Variants in LMOD3 observed in about 807,000 individuals in gnomAD.
LMOD3 encodes the protein leiomodin-3.
LMOD3 carries 31 observed loss-of-function variants against 41.8 expected under a neutral mutation model. That is an observed-to-expected ratio of 0.74 (90% CI 0.56 to 1.00). LMOD3 has a LOEUF of 1.00. Ranked by LOEUF, LMOD3 falls within the 50% of genes least tolerant of loss-of-function variation. The pLI, the probability that LMOD3 is intolerant of heterozygous loss-of-function variation, is 0.00. For missense variants in LMOD3, 755 were observed against 679.5 expected (o/e 1.11, Z -1.23); for synonymous variants, 292 against 241.9 (o/e 1.21, Z -1.92).
In LMOD3 at chr3:69,109,025, A is replaced by G; in HGVS notation, c.*70T>C. The G allele has an allele frequency of 7.6e-7, 1 of 1,317,196 alleles. No individual in the cohort carries two copies. Among genetic ancestry groups the G allele is most frequent in the Non-Finnish European group, 1.1e-6 (1 of 934,814 alleles). The allele number at this position is 1,317,196 out of a possible 1,614,324, so 81.6% of individuals were successfully genotyped here. A position where few individuals can be genotyped will look rare whatever the true frequency, so the allele number is the denominator to read the frequency against. ...TGGATCCTAAAGTATTGCTGCTGAC[A>G]TAGTCTCCATGCTGTAATCCAAGAG... On this transcript the variant is annotated 3_prime_UTR_variant, in exon 3 of 3. Coordinates refer to ENST00000420581, the MANE Select transcript of LMOD3 (RefSeq NM_198271.5).
rs2092335772 is a variant in LMOD3, at chr3:69,108,984, T to G, written c.*111A>C. On this transcript the variant is annotated 3_prime_UTR_variant, in exon 3 of 3. Coordinates refer to ENST00000420581, the MANE Select transcript of LMOD3 (RefSeq NM_198271.5). ...TACCCTTATCAGATGGTAGCATTGT[T>G]TCCAGTTCTGCCACGTGGATCCTAA... 3.1e-6 allele frequency: 3 copies of G among 962,044 alleles called. No homozygotes were observed. In the Admixed American group the frequency reaches 6.6e-5, roughly 21 times the overall value. The allele number at this position is 962,044 out of a possible 1,614,324, so 59.6% of individuals were successfully genotyped here. A position where few individuals can be genotyped will look rare whatever the true frequency, so the allele number is the denominator to read the frequency against.
At chr3:69,114,813 A>G (rs1177008907) in intron 2 of LMOD3, among the ~76,000 whole-genome samples, 2 of 152,184 alleles carry the variant, frequency 1.3e-5, no homozygotes, top group African/African-American at 4.8e-5. Context: ...AGAATTTTAA[A>G]ATACATGTGC....
In LMOD3 at chr3:69,106,712, G is replaced by C. The variant is rs1332246876; in HGVS notation, c.*2383C>G. Among the ~76,000 whole-genome samples, 2 of 137,600 alleles carry C rather than the reference G, an allele frequency of 1.5e-5. No homozygotes were observed. Among genetic ancestry groups the C allele is most frequent in the Non-Finnish European group, 3.0e-5 (2 of 65,960 alleles). The allele number at this position is 137,600 out of a possible 152,430, so 90.3% of individuals were successfully genotyped here. On this transcript the variant is annotated 3_prime_UTR_variant, in exon 3 of 3. Transcript: ENST00000420581. ...TCTAGAATTTTTTTTTTTTTTTTGA[G>C]ATGAGGTTTCGCTCTTGTTGCCCAG... is the stretch of plus-strand genomic sequence containing the variant.
intron 1 of LMOD3, among the ~76,000 whole-genome samples, chr3:69,120,564 A>C (rs1053395349): frequency 6.6e-6 from 1 of 151,714 alleles, no homozygotes; most frequent in African/African-American, 2.4e-5. Flanking sequence ...AACATAACAT[A>C]ATGTATGGGA....
Position 69,119,361 on chromosome 3 carries a change from T to A in LMOD3, c.994A>T (p.Arg332Trp). The change falls in exon 2 of 3, where the codon AGG becomes TGG. Residue 332 changes from arginine (R) to tryptophan (W), a missense_variant. Coordinates refer to ENST00000420581, the MANE Select transcript of LMOD3 (RefSeq NM_198271.5). ...AGCGTCTCATTAAACTGGAGACACCTCATGATGGCCACAATCCCTTTACCT... is the reference window on the plus strand; with the variant it reads ...AGCGTCTCATTAAACTGGAGACACCACATGATGGCCACAATCCCTTTACCT... Reference protein sequence around the residue: ...ITGKGIVAIMRCLQFNETLTE... With the variant: ...ITGKGIVAIMWCLQFNETLTE... The A allele has an allele frequency of 1.9e-6, 3 of 1,613,978 alleles. No individual in the cohort carries two copies. Among genetic ancestry groups the A allele is most frequent in the Non-Finnish European group, 2.5e-6 (3 of 1,179,878 alleles).
intron 2 of LMOD3, among the ~76,000 whole-genome samples, chr3:69,115,745 C>A (rs1176214632): frequency 6.6e-6 from 1 of 152,164 alleles, no homozygotes; most frequent in Non-Finnish European, 1.5e-5. Context: ...CTATCCCTTT[C>A]TGCTGAGATT....
intron 2 of LMOD3, among the ~76,000 whole-genome samples, chr3:69,118,126 G>A (rs56264601): frequency 0.014 from 2,097 of 152,302 alleles, 41 homozygotes; most frequent in African/African-American, 0.047. Flanking sequence ...CAATGCGCCC[G>A]GCCTGGCCTC....
chr3:69,110,851 A>T lies in LMOD3; in HGVS notation c.1657-1730T>A, dbSNP rs866302220. ...GAGACACCATCTCAAAAAAAAAAAA[A>T]AAATATATATATATATATATATATA... On this transcript the variant is annotated intron_variant, in intron 2 of 2. Coordinates refer to ENST00000420581, the MANE Select transcript of LMOD3 (RefSeq NM_198271.5). 1.3e-3 allele frequency among the ~76,000 whole-genome samples: 156 copies of T among 120,768 alleles called. 2 individuals are homozygous for T. Among genetic ancestry groups the T allele is most frequent in the South Asian group, 5.7e-3 (19 of 3,350 alleles). 79.2% of individuals were successfully genotyped at this position (120,768 alleles called of 152,430 possible). A position where few individuals can be genotyped will look rare whatever the true frequency, so the allele number is the denominator to read the frequency against.
intron 2 of LMOD3, among the ~76,000 whole-genome samples, chr3:69,117,832 G>GTTTTTT (rs2092382621): frequency 5.6e-5 from 8 of 141,752 alleles, no homozygotes; most frequent in Non-Finnish European, 7.5e-5. Context: ...CAATTTGGGT[G>GTTTTTT]GTTTTTTTTT....
At chr3:69,111,222 G>T (rs1247450221) in intron 2 of LMOD3, among the ~76,000 whole-genome samples, 1 of 152,114 alleles carries the variant, frequency 6.6e-6, no homozygotes, top group Non-Finnish European at 1.5e-5. Flanking sequence ...ACGATCTTTG[G>T]CTAGGAATGT....
chr3:69,114,112 A>G (rs1240771813), intron 2 of LMOD3, among the ~76,000 whole-genome samples: 1 of 152,220 alleles, frequency 6.6e-6, no homozygotes, highest in Non-Finnish European at 1.5e-5. Context: ...AAAAGAGAAA[A>G]ACTAGAGGGT....
chr3:69,109,031 T>C lies in LMOD3; in HGVS notation c.*64A>G. The C allele has an allele frequency of 1.5e-6, 2 of 1,375,200 alleles. No individual in the cohort carries two copies. The highest frequency in any genetic ancestry group is 2.0e-6 in the Non-Finnish European group (2 of 985,046). 85.2% of individuals were successfully genotyped at this position (1,375,200 alleles called of 1,614,324 possible). On this transcript the variant is annotated 3_prime_UTR_variant, in exon 3 of 3. Transcript: ENST00000420581. ...CTAAAGTATTGCTGCTGACATAGTC[T>C]CCATGCTGTAATCCAAGAGTCACTA...
chr3:69,113,375 A>C (rs2092358012), intron 2 of LMOD3, among the ~76,000 whole-genome samples: 2 of 152,186 alleles, frequency 1.3e-5, no homozygotes, highest in South Asian at 4.1e-4. Context: ...CCATTATGTG[A>C]TGAGAAAGAG....
intron 2 of LMOD3, 103 bp downstream of exon 2, chr3:69,118,596 C>A: frequency 2.2e-6 from 3 of 1,353,766 alleles, no homozygotes; most frequent in Non-Finnish European, 3.0e-6. Context: ...CAGTTGGTCT[C>A]AATTAGTGAG....
chr3:69,122,302 C>T lies in LMOD3; in HGVS notation c.85G>A (p.Ala29Thr). The T allele has an allele frequency of 6.2e-7, 1 of 1,613,286 alleles. No homozygotes were observed. The highest frequency in any genetic ancestry group is 8.5e-7 in the Non-Finnish European group (1 of 1,179,570). Residue 29 changes from alanine to threonine, a missense_variant, in exon 1 of 3, where the codon GCT becomes ACT. Transcript: ENST00000420581. ...GACTGCAGTTCTTTCAGTTCTTCAGCAGACAAGTTGGCCAAGATTTCATCT... is the reference window on the plus strand; with the variant it reads ...GACTGCAGTTCTTTCAGTTCTTCAGTAGACAAGTTGGCCAAGATTTCATCT... The part of the protein sequence containing the change: ...NEDEILANLS[A>T]EELKELQSEM...
At chr3:69,121,047 C>A (rs1356277319) in intron 1 of LMOD3, among the ~76,000 whole-genome samples, 1 of 152,162 alleles carries the variant, frequency 6.6e-6, no homozygotes, top group African/African-American at 2.4e-5. Flanking sequence ...GTCTTCACCA[C>A]TGCATTTCTC....
intron 2 of LMOD3, among the ~76,000 whole-genome samples, chr3:69,110,853 A>AAATATATATATAT (rs1458630453): frequency 9.6e-6 from 1 of 104,168 alleles, no homozygotes; most frequent in African/African-American, 4.8e-5. Context: ...AAAAAAAAAA[A>AAATATATATATAT]ATATATATAT....
At chr3:69,114,786 C>T (rs1280564794) in intron 2 of LMOD3, among the ~76,000 whole-genome samples, 3 of 152,154 alleles carry the variant, frequency 2.0e-5, no homozygotes, top group Admixed American at 6.5e-5. Context: ...TGTGAGCCAC[C>T]GCACCCAGCC....
At position 69,107,509 on chromosome 3, in the gene LMOD3, C is replaced by T. The variant is rs1357902250; in HGVS notation, c.*1586G>A. On this transcript the variant is annotated 3_prime_UTR_variant, in exon 3 of 3. Transcript: ENST00000420581. ...TTTTTTTTTTTGAGATGGAGTATCA[C>T]TCTGTCACCCAGGCTGGAGTACAGT... 1 of 92,574 alleles carries T rather than the reference C, an allele frequency of 1.1e-5. No individual in the cohort carries two copies. Among genetic ancestry groups the T allele is most frequent in the African/African-American group, 4.0e-5 (1 of 25,014 alleles). The allele number at this position is 92,574 out of a possible 1,614,324, so 5.7% of individuals were successfully genotyped here.
Sources: allele counts gnomAD v4.1 joint callset (sites outside exome capture counted in the v4.1 genomes callset), GRCh38; gene constraint gnomAD v4.1.1; transcripts MANE v1.5; gene names NCBI Gene and HGNC (gene_info 2026-07-23, HGNC 2026-07-21).